Variants in FSTL4 observed in about 807,000 individuals in gnomAD.
FSTL4 encodes the protein follistatin-related protein 4.
A neutral mutation model predicts 78.2 loss-of-function variants in FSTL4; 28 were observed. The observed-to-expected ratio is 0.36, with a 90% CI of 0.27 to 0.49. The LOEUF (loss-of-function observed/expected upper bound fraction) is 0.49, where lower values mean the gene tolerates loss of function less well. FSTL4 is among the 20% of genes least tolerant of loss of function. The pLI, the probability that FSTL4 is intolerant of heterozygous loss-of-function variation, is 0.98. For missense variants in FSTL4, 922 were observed against 1,084.9 expected (o/e 0.85, Z 2.11); for synonymous variants, 422 against 440.5 (o/e 0.96, Z 0.53).
At chr5:133,480,293 T>C (rs1273505544) in intron 3 of FSTL4, among the ~76,000 whole-genome samples, 1 of 152,218 alleles carries the variant, frequency 6.6e-6, no homozygotes, top group Non-Finnish European at 1.5e-5. Flanking sequence ...GGGACCATAA[T>C]ATTAACCTTT....
the FSTL4 span, among the ~76,000 whole-genome samples, chr5:133,669,451 C>T: frequency 0.19 from 29,317 of 152,210 alleles, 2,939 homozygotes; most frequent in Middle Eastern, 0.41. Context: ...TCATTGAAAA[C>T]AGAAGAAGTT....
chr5:133,773,886 G>T, the FSTL4 span, among the ~76,000 whole-genome samples: 1 of 152,186 alleles, frequency 6.6e-6, no homozygotes, highest in African/African-American at 2.4e-5. Flanking sequence ...GCAAGAACAA[G>T]CTTCTAAGGG....
At chr5:133,579,363 A>G (rs1313792346) in intron 2 of FSTL4, among the ~76,000 whole-genome samples, 3 of 152,140 alleles carry the variant, frequency 2.0e-5, no homozygotes, top group East Asian at 1.9e-4. Context: ...GACGTGCTCT[A>G]TTTTTCCTTT....
chr5:133,471,357 G>A (rs1286213461), intron 3 of FSTL4, among the ~76,000 whole-genome samples: 1 of 152,092 alleles, frequency 6.6e-6, no homozygotes, highest in Non-Finnish European at 1.5e-5. Context: ...GATTGCTCTG[G>A]TCCCAATGCT....
chr5:133,406,572 C>T (rs1240624233), intron 3 of FSTL4, among the ~76,000 whole-genome samples: 3 of 152,180 alleles, frequency 2.0e-5, no homozygotes, highest in East Asian at 1.9e-4. Flanking sequence ...CCCTGGATGC[C>T]GGGGCTGCGT....
the FSTL4 span, among the ~76,000 whole-genome samples, chr5:133,716,158 G>C: frequency 6.4e-3 from 967 of 152,280 alleles, 2 homozygotes; most frequent in Non-Finnish European, 0.01. Context: ...AGTAACACTT[G>C]ACTGAGTGTC....
chr5:133,793,699 G>A, the FSTL4 span, among the ~76,000 whole-genome samples: 28 of 152,264 alleles, frequency 1.8e-4, no homozygotes, highest in South Asian at 5.4e-3. Flanking sequence ...GCCCACTCCC[G>A]CGGTCTCACA....
chr5:133,383,828 C>T (rs1358861489), intron 4 of FSTL4, among the ~76,000 whole-genome samples: 1 of 152,164 alleles, frequency 6.6e-6, no homozygotes, highest in Non-Finnish European at 1.5e-5. Context: ...CAAAAGTATC[C>T]TTAGAAAGGA....
chr5:133,707,149 C>T, the FSTL4 span, among the ~76,000 whole-genome samples: 1 of 152,190 alleles, frequency 6.6e-6, no homozygotes, highest in Non-Finnish European at 1.5e-5. Context: ...CCTGACTCAC[C>T]TCTTCCCTGC....
chr5:133,395,544 C>G (rs2126966296), intron 4 of FSTL4, among the ~76,000 whole-genome samples: 1 of 152,358 alleles, frequency 6.6e-6, no homozygotes, highest in South Asian at 2.1e-4. Context: ...AAGAACCCAC[C>G]AATTCTGGAC....
At chr5:133,401,741 G>A (rs1390621717) in intron 3 of FSTL4, among the ~76,000 whole-genome samples, 2 of 152,162 alleles carry the variant, frequency 1.3e-5, no homozygotes, top group East Asian at 3.9e-4. Context: ...CCCTGCAAAG[G>A]AGAGAAAGGT....
intron 7 of FSTL4, among the ~76,000 whole-genome samples, chr5:133,240,175 G>A (rs939246288): frequency 3.3e-5 from 5 of 152,162 alleles, no homozygotes; most frequent in Non-Finnish European, 7.3e-5. Context: ...AACTCCAAAC[G>A]CATCCGAGCA....
chr5:133,314,697 C>G (rs1753862707), intron 5 of FSTL4, among the ~76,000 whole-genome samples: 3 of 152,068 alleles, frequency 2.0e-5, no homozygotes, highest in Admixed American at 2.0e-4. Flanking sequence ...GTGAACAACT[C>G]AGGCAAGTTG....
At chr5:133,840,600 C>A in the FSTL4 span, among the ~76,000 whole-genome samples, 1 of 152,210 alleles carries the variant, frequency 6.6e-6, no homozygotes, top group Non-Finnish European at 1.5e-5. Context: ...CCTCCATGTG[C>A]TCACAGGCCC....
At chr5:133,833,557 G>T in the FSTL4 span, among the ~76,000 whole-genome samples, 1 of 152,122 alleles carries the variant, frequency 6.6e-6, no homozygotes, top group East Asian at 1.9e-4. Flanking sequence ...TTCATCCTGG[G>T]CTTTCTCCTC....
chr5:133,835,706 T>C, the FSTL4 span, among the ~76,000 whole-genome samples: 470 of 152,350 alleles, frequency 3.1e-3, 2 homozygotes, highest in African/African-American at 0.011. Context: ...TTTTGTCATC[T>C]GCTAGTGCTA....
At chr5:133,258,466 C>A (rs2126832184) in intron 6 of FSTL4, among the ~76,000 whole-genome samples, 1 of 152,344 alleles carries the variant, frequency 6.6e-6, no homozygotes, top group East Asian at 1.9e-4. Flanking sequence ...CACTGCTGAG[C>A]TGTGACATTG....
the FSTL4 span, among the ~76,000 whole-genome samples, chr5:133,668,501 A>C: frequency 6.2e-3 from 946 of 152,332 alleles, 14 homozygotes; most frequent in African/African-American, 0.022. Flanking sequence ...ACATTCTGCG[A>C]GCTGCCAGAG....
the FSTL4 span, among the ~76,000 whole-genome samples, chr5:133,714,941 C>T: frequency 6.6e-6 from 1 of 152,238 alleles, no homozygotes; most frequent in African/African-American, 2.4e-5. Flanking sequence ...CCCCAGACAT[C>T]CCTTACGCCC....
Sources: allele counts gnomAD v4.1 joint callset (sites outside exome capture counted in the v4.1 genomes callset), GRCh38; gene constraint gnomAD v4.1.1; transcripts MANE v1.5; gene names NCBI Gene and HGNC (gene_info 2026-07-23, HGNC 2026-07-21).